UBE2H: variants seen among roughly 807,000 people sequenced by gnomAD.
The protein encoded by UBE2H is ubiquitin-conjugating enzyme E2 H.
UBE2H carries 3 observed loss-of-function variants against 29.0 expected under a neutral mutation model. That is an observed-to-expected ratio of 0.10 (90% CI 0.05 to 0.27). The LOEUF (loss-of-function observed/expected upper bound fraction) is 0.27. Ranked by LOEUF, UBE2H falls within the 10% of genes least tolerant of loss-of-function variation. UBE2H has a pLI of 1.00. For synonymous variants in UBE2H, 69 were observed against 82.9 expected, an observed-to-expected ratio of 0.83 and a Z score of 0.91; for missense variants, 68 against 228.2, an observed-to-expected ratio of 0.30 and a Z score of 4.52.
intron 3 of UBE2H, among the ~76,000 whole-genome samples, chr7:129,874,466 C>A (rs915032563): frequency 1.3e-5 from 2 of 151,906 alleles, no homozygotes; most frequent in Non-Finnish European, 2.9e-5. Context: ...CCCGCCACCA[C>A]GCCCAGCTAA....
In UBE2H at chr7:129,831,534, G is replaced by A. The variant is rs938447988; in HGVS notation, c.*3403C>T. 1 of 152,286 alleles carries A rather than the reference G, an allele frequency of 6.6e-6. No individual in the cohort carries two copies. The highest frequency in any genetic ancestry group is 2.1e-4 in the South Asian group (1 of 4,828). 9.4% of individuals were successfully genotyped at this position (152,286 alleles called of 1,614,324 possible). On this transcript the variant is annotated 3_prime_UTR_variant, in exon 7 of 7. Transcript: ENST00000355621. The stretch of plus-strand genomic sequence containing the variant: ...CCTTTGGAGGGAAAAATTCCTTTGA[G>A]AGGAGACATTCCTCAGGAGCTTAGA...
At chr7:129,948,917 C>T (rs1807817998) in intron 1 of UBE2H, 2 of 411,880 alleles carry the variant, frequency 4.9e-6, no homozygotes, top group Admixed American at 5.2e-5. Context: ...CCTCCCCAGC[C>T]CCCACCTCTT....
At chr7:129,896,924 T>C (rs1297243547) in intron 1 of UBE2H, among the ~76,000 whole-genome samples, 1 of 152,194 alleles carries the variant, frequency 6.6e-6, no homozygotes, top group African/African-American at 2.4e-5. Flanking sequence ...GTTACCTCTG[T>C]AGAGTGGTGG....
intron 1 of UBE2H, among the ~76,000 whole-genome samples, chr7:129,921,652 T>C (rs1250961579): frequency 7.8e-6 from 1 of 127,976 alleles, no homozygotes; most frequent in African/African-American, 3.1e-5. Context: ...TGAGCTGAGA[T>C]CACGCCACTG....
intron 3 of UBE2H, among the ~76,000 whole-genome samples, chr7:129,863,467 ACT>A (rs1805838808): frequency 1.3e-5 from 2 of 151,934 alleles, no homozygotes; most frequent in Non-Finnish European, 2.9e-5. Context: ...CTCCACTCTT[ACT>A]CTATTTCTGA....
At chr7:129,883,520 C>CA (rs1806296312) in intron 1 of UBE2H, among the ~76,000 whole-genome samples, 1 of 152,182 alleles carries the variant, frequency 6.6e-6, no homozygotes, top group Non-Finnish European at 1.5e-5. Flanking sequence ...GTAGTATAGT[C>CA]ACCCAAAAGA....
rs537050696 is a variant in UBE2H at position 129,929,808 on chromosome 7, G to C, written c.53+22695C>G. ...GCTGATCACTTGAGGTCAGGCGTTC[G>C]AGACCAGCCTGGCCAACATGGTGAA... is the stretch of plus-strand genomic sequence containing the variant. On this transcript the variant is annotated intron_variant, in intron 1 of 6. Transcript: ENST00000355621. Among the ~76,000 whole-genome samples the C allele has an allele frequency of 3.9e-5, 6 of 152,166 alleles. No homozygotes were observed. The East Asian group carries it at 9.7e-4, about 25-fold the overall frequency.
intron 3 of UBE2H, among the ~76,000 whole-genome samples, chr7:129,878,179 G>A (rs1220167969): frequency 6.6e-6 from 1 of 152,102 alleles, no homozygotes; most frequent in Non-Finnish European, 1.5e-5. Context: ...AGGCGTATAC[G>A]TTTCTACACC....
chr7:129,891,729 A>T (rs932391943), intron 1 of UBE2H, among the ~76,000 whole-genome samples: 2 of 151,342 alleles, frequency 1.3e-5, no homozygotes, highest in African/African-American at 4.9e-5. Context: ...TTGAACAGGG[A>T]GGCAGAGATT....
chr7:129,913,252 CAAA>C (rs59869623), intron 1 of UBE2H, among the ~76,000 whole-genome samples: 8 of 75,530 alleles, frequency 1.1e-4, no homozygotes, highest in Non-Finnish European at 1.1e-4. Context: ...AACTCCGTCT[CAAA>C]AAAAAAAAAA....
At position 129,886,767 on chromosome 7, in the gene UBE2H, T is replaced by TTTTGG. The variant is rs1554435104; in HGVS notation, c.54-5797_54-5796insCCAAA. On this transcript the variant is annotated intron_variant, in intron 1 of 6. Transcript: ENST00000355621. ...CACTACCTGGTTTTTTGTTTTTTGG[T>TTTTGG]AAAAAAAAAAAAAAAAAAAAAAAAA... Among the ~76,000 whole-genome samples, 322 of 72,054 alleles carry TTTTGG rather than the reference T, an allele frequency of 4.5e-3. 6 individuals carry two copies. The highest frequency in any genetic ancestry group is 0.017 in the African/African-American group (310 of 18,726). The allele number at this position is 72,054 out of a possible 152,430, so 47.3% of individuals were successfully genotyped here.
chr7:129,908,581 T>C (rs1312882760), intron 1 of UBE2H, among the ~76,000 whole-genome samples: 1 of 152,246 alleles, frequency 6.6e-6, no homozygotes, highest in Non-Finnish European at 1.5e-5. Flanking sequence ...GGTTCATTTG[T>C]TATGTAGATT....
chr7:129,882,302 A>C (rs1806271508), intron 1 of UBE2H, among the ~76,000 whole-genome samples: 1 of 152,254 alleles, frequency 6.6e-6, no homozygotes, highest in South Asian at 2.1e-4. Flanking sequence ...TGTAACATTA[A>C]AAAGGAAAAC....
intron 6 of UBE2H, among the ~76,000 whole-genome samples, chr7:129,835,414 C>A (rs1805304341): frequency 6.6e-6 from 1 of 152,152 alleles, no homozygotes; most frequent in South Asian, 2.1e-4. Context: ...AGTATAGGAC[C>A]AGTCATGATT....
At chr7:129,836,169 T>C (rs1436031383) in intron 6 of UBE2H, among the ~76,000 whole-genome samples, 3 of 152,198 alleles carry the variant, frequency 2.0e-5, no homozygotes, top group Non-Finnish European at 4.4e-5. Context: ...TTTACCTTAA[T>C]TGAGAAATAT....
intron 1 of UBE2H, among the ~76,000 whole-genome samples, chr7:129,924,952 A>T (rs1053454857): frequency 2.7e-5 from 4 of 145,538 alleles, no homozygotes; most frequent in African/African-American, 1.0e-4. Context: ...AACTATGAAT[A>T]AAAAAAAAAA....
At chr7:129,896,848 A>G (rs892878144) in intron 1 of UBE2H, among the ~76,000 whole-genome samples, 1 of 152,244 alleles carries the variant, frequency 6.6e-6, no homozygotes, top group African/African-American at 2.4e-5. Flanking sequence ...TTTATGAATC[A>G]TTCACAGTAA....
chr7:129,855,917 T>A (rs1380446770), intron 5 of UBE2H, among the ~76,000 whole-genome samples: 1 of 152,064 alleles, frequency 6.6e-6, no homozygotes, highest in Non-Finnish European at 1.5e-5. Context: ...AAAATAATTT[T>A]AAAATTAAAA....
intron 3 of UBE2H, among the ~76,000 whole-genome samples, chr7:129,869,207 G>A (rs1387678957): frequency 6.6e-6 from 1 of 151,922 alleles, no homozygotes; most frequent in African/African-American, 2.4e-5. Context: ...CAAAGTGCTG[G>A]GATTACAGAC....
Sources: allele counts gnomAD v4.1 joint callset (sites outside exome capture counted in the v4.1 genomes callset), GRCh38; gene constraint gnomAD v4.1.1; transcripts MANE v1.5; gene names NCBI Gene and HGNC (gene_info 2026-07-23, HGNC 2026-07-21).